HEMK2: variants seen among roughly 807,000 people sequenced by gnomAD.
HEMK2 encodes the protein HemK methyltransferase 2, ETF1 glutamine and histone H4 lysine.
chr21:28,629,909 C>T, the HEMK2 span, among the ~76,000 whole-genome samples: 1 of 142,026 alleles, frequency 7.0e-6, no homozygotes, highest in Non-Finnish European at 1.5e-5. Flanking sequence ...CTTCTCAAAA[C>T]CCCCTTTGCT....
the HEMK2 span, among the ~76,000 whole-genome samples, chr21:28,746,774 G>T: frequency 2.6e-5 from 4 of 152,088 alleles, no homozygotes; most frequent in Non-Finnish European, 2.9e-5. Context: ...CAACATACTT[G>T]AAGAACACAA....
chr21:28,796,159 G>A, the HEMK2 span, among the ~76,000 whole-genome samples: 3 of 152,136 alleles, frequency 2.0e-5, no homozygotes, highest in South Asian at 2.1e-4. Flanking sequence ...TTTTCAGACC[G>A]AGTCTCACTC....
the HEMK2 span, among the ~76,000 whole-genome samples, chr21:28,654,535 T>C: frequency 6.6e-6 from 1 of 152,086 alleles, no homozygotes; most frequent in South Asian, 2.1e-4. Flanking sequence ...AGCATAAGAA[T>C]TGTTTCTGAG....
chr21:28,758,773 AT>A, the HEMK2 span, among the ~76,000 whole-genome samples: 1 of 152,182 alleles, frequency 6.6e-6, no homozygotes, highest in Admixed American at 6.5e-5. Flanking sequence ...TTACCTAAAA[AT>A]AACTTCCAGG....
At chr21:28,749,900 A>G in the HEMK2 span, among the ~76,000 whole-genome samples, 2 of 152,240 alleles carry the variant, frequency 1.3e-5, no homozygotes, top group East Asian at 1.9e-4. Flanking sequence ...CATATTCTCT[A>G]AAAGGACAGC....
the HEMK2 span, chr21:28,882,904 C>A: frequency 1.1e-6 from 1 of 951,762 alleles, no homozygotes; most frequent in South Asian, 1.9e-5. Flanking sequence ...AAGATACATA[C>A]TGTCTCTTTA....
the HEMK2 span, among the ~76,000 whole-genome samples, chr21:28,638,421 G>A: frequency 6.6e-6 from 1 of 152,152 alleles, no homozygotes; most frequent in Non-Finnish European, 1.5e-5. Flanking sequence ...ATGAGGTACA[G>A]ATTAATAAGA....
chr21:28,651,660 A>G, the HEMK2 span, among the ~76,000 whole-genome samples: 2 of 152,220 alleles, frequency 1.3e-5, no homozygotes, highest in Admixed American at 6.5e-5. Flanking sequence ...ATTATCACGA[A>G]GGTCAGACCA....
the HEMK2 span, among the ~76,000 whole-genome samples, chr21:28,606,599 T>A: frequency 6.6e-6 from 1 of 152,246 alleles, no homozygotes; most frequent in African/African-American, 2.4e-5. Flanking sequence ...GATGATGTCC[T>A]AAATGGAGGC....
the HEMK2 span, among the ~76,000 whole-genome samples, chr21:28,727,616 A>C: frequency 8.0e-4 from 122 of 152,366 alleles, no homozygotes; most frequent in African/African-American, 2.7e-3. Context: ...TTTAGTTTGT[A>C]GATTTAAGAT....
the HEMK2 span, among the ~76,000 whole-genome samples, chr21:28,766,964 T>A: frequency 1.3e-5 from 2 of 152,076 alleles, no homozygotes; most frequent in Non-Finnish European, 2.9e-5. Context: ...CATATCCAAG[T>A]GATACGGTTT....
the HEMK2 span, among the ~76,000 whole-genome samples, chr21:28,809,999 T>C: frequency 3.3e-5 from 5 of 152,316 alleles, no homozygotes; most frequent in South Asian, 1.0e-3. Flanking sequence ...ACAAGGCTAT[T>C]GAAATAGTAT....
At chr21:28,831,467 G>GAAAAGAAAAGAAAAGA in the HEMK2 span, among the ~76,000 whole-genome samples, 64 of 23,468 alleles carry the variant, frequency 2.7e-3, 2 homozygotes, top group Non-Finnish European at 3.7e-3. Context: ...AAGAACGAAA[G>GAAAAGAAAAGAAAAGA]AAAGAAAGAA....
chr21:28,609,350 G>A, the HEMK2 span, among the ~76,000 whole-genome samples: 4 of 152,236 alleles, frequency 2.6e-5, no homozygotes, highest in African/African-American at 9.6e-5. Context: ...GGGGAAAGAG[G>A]AGAGCACCAC....
chr21:28,648,706 G>A, the HEMK2 span, among the ~76,000 whole-genome samples: 1 of 152,148 alleles, frequency 6.6e-6, no homozygotes, highest in Non-Finnish European at 1.5e-5. Context: ...TATGTCAATG[G>A]CAGAGCAAGA....
chr21:28,868,116 G>A, the HEMK2 span, among the ~76,000 whole-genome samples: 1 of 151,890 alleles, frequency 6.6e-6, no homozygotes, highest in South Asian at 2.1e-4. Flanking sequence ...TTCTGTTTCA[G>A]TTTATTTATC....
the HEMK2 span, among the ~76,000 whole-genome samples, chr21:28,858,771 A>G: frequency 5.9e-5 from 9 of 152,064 alleles, no homozygotes; most frequent in Non-Finnish European, 8.8e-5. Context: ...TTTAAAAGGG[A>G]CCATGCCAGG....
the HEMK2 span, chr21:28,883,041 C>A: frequency 6.2e-7 from 1 of 1,605,348 alleles, no homozygotes; most frequent in Non-Finnish European, 8.5e-7. Flanking sequence ...CTACACCAGA[C>A]CCTGACCCTA....
At chr21:28,647,321 TA>T in the HEMK2 span, among the ~76,000 whole-genome samples, 1,449 of 46,424 alleles carry the variant, frequency 0.031, 14 homozygotes, top group African/African-American at 0.083. Flanking sequence ...CCATCTCTAC[TA>T]AAAAAAAAAA....
Sources: gnomAD v4.1 joint callset for allele counts (sites outside exome capture counted in the v4.1 genomes callset) on GRCh38, gnomAD v4.1.1 for gene constraint, MANE v1.5 for transcripts, NCBI Gene and HGNC (gene_info 2026-07-23, HGNC 2026-07-21) for gene names.